The following KLHL15 variants were observed in gnomAD, a reference collection of about 807,000 sequenced individuals.
KLHL15 encodes the protein kelch like family member 15.
A neutral mutation model predicts 29.3 loss-of-function variants in KLHL15; 1 was observed. The observed-to-expected ratio is 0.03, with a 90% CI of 0.01 to 0.16. The LOEUF is 0.16. Among genes scored for constraint, KLHL15 ranks in the 10% least tolerant of loss-of-function variants. The pLI is 1.00. For synonymous variants in KLHL15, 212 were observed against 184.5 expected, an observed-to-expected ratio of 1.15 and a Z score of -1.21; for missense variants, 215 against 478.5, an observed-to-expected ratio of 0.45 and a Z score of 5.14.
At chrX:24,001,117 AAT>A (rs1477006630) in intron 3 of KLHL15, among the ~76,000 whole-genome samples, 1 of 111,811 alleles carries the variant, frequency 8.9e-6, no homozygotes, top group African/African-American at 3.2e-5. Context: ...CAGTTTATAA[AAT>A]AAAATATTTG....
At chrX:24,007,934 A>C (rs1017949828) in intron 2 of KLHL15, among the ~76,000 whole-genome samples, 2 of 109,958 alleles carry the variant, frequency 1.8e-5, no homozygotes, top group African/African-American at 6.5e-5. Context: ...TGAAAAAAAA[A>C]ACAAGTGACT....
intron 2 of KLHL15, among the ~76,000 whole-genome samples, chrX:24,019,348 G>A (rs778488887): frequency 3.2e-4 from 36 of 111,116 alleles, no homozygotes; most frequent in Non-Finnish European, 5.5e-4. Context: ...CCTCTGCTCC[G>A]GGGTTCAAGC....
At chrX:24,007,491 CA>C (rs1173565203) in intron 2 of KLHL15, among the ~76,000 whole-genome samples, 95 of 62,301 alleles carry the variant, frequency 1.5e-3, no homozygotes, top group African/African-American at 2.2e-3. Flanking sequence ...ACCCCATTTC[CA>C]AAAAAAAAAA....
At chrX:24,020,021 G>A (rs1929772311) in intron 2 of KLHL15, among the ~76,000 whole-genome samples, 2 of 111,901 alleles carry the variant, frequency 1.8e-5, no homozygotes, top group Admixed American at 9.5e-5. Flanking sequence ...GATTCTCAGA[G>A]GTTGATATAA....
At chrX:24,020,621 T>C (rs1929784443) in intron 2 of KLHL15, among the ~76,000 whole-genome samples, 2 of 111,603 alleles carry the variant, frequency 1.8e-5, no homozygotes, top group African/African-American at 3.3e-5. Context: ...GCTTGAATGC[T>C]ATTTTTCATC....
intron 2 of KLHL15, among the ~76,000 whole-genome samples, chrX:24,007,980 G>C (rs779862219): frequency 9.1e-6 from 1 of 109,927 alleles, no homozygotes; most frequent in African/African-American, 3.3e-5. Flanking sequence ...AACTAAATAC[G>C]CATATATTTG....
At chrX:24,009,048 C>G in intron 2 of KLHL15, among the ~76,000 whole-genome samples, 1 of 111,265 alleles carries the variant, frequency 9.0e-6, no homozygotes, top group East Asian at 2.8e-4. Context: ...CAATCACTCT[C>G]AAACATTTGA....
chrX:23,987,467 T>A lies in KLHL15; in HGVS notation c.*454A>T, dbSNP rs750713748. 5.3e-5 allele frequency: 6 copies of A among 113,326 alleles called. No individual in the cohort carries two copies. Among genetic ancestry groups the A allele is most frequent in the African/African-American group, 1.6e-4 (5 of 30,977 alleles). 9.3% of individuals were successfully genotyped at this position (113,326 alleles called of 1,213,427 possible). On this transcript the variant is annotated 3_prime_UTR_variant, in exon 4 of 4. Coordinates refer to ENST00000328046, the MANE Select transcript of KLHL15 (RefSeq NM_030624.3). ...TTCAGCAAAAAGCCATGCAAAAAGG[T>A]CAAGAGTTTTAAACTTTTAAATAAT... is the stretch of plus-strand genomic sequence containing the variant.
At chrX:24,015,652 CT>C (rs1929661658) in intron 2 of KLHL15, among the ~76,000 whole-genome samples, 1 of 112,432 alleles carries the variant, frequency 8.9e-6, no homozygotes, top group African/African-American at 3.2e-5. Context: ...GGTTCTACCT[CT>C]TATTAGCTCT....
Position 23,996,170 on chromosome X carries a change from G to A in KLHL15, c.706-7140C>T, listed in dbSNP as rs1929184421. Among the ~76,000 whole-genome samples the A allele has an allele frequency of 2.7e-5, 3 of 112,325 alleles. No homozygotes were observed. The South Asian group carries it at 1.1e-3, about 41-fold the overall frequency. ...GAGCAATTCCTGAACTTAAGATGGT[G>A]CCTGGCCCTATTAAAGAGGTTACCT... On this transcript the variant is annotated intron_variant, in intron 3 of 3. Transcript: ENST00000328046.
chrX:24,001,825 A>AAAAG (rs1929326081), intron 3 of KLHL15, among the ~76,000 whole-genome samples: 1 of 100,405 alleles, frequency 1.0e-5, no homozygotes, highest in Non-Finnish European at 2.0e-5. Flanking sequence ...AAAAAAAAAA[A>AAAAG]AAGAAGAAGA....
intron 2 of KLHL15, among the ~76,000 whole-genome samples, chrX:24,008,431 G>A (rs1177463830): frequency 9.0e-6 from 1 of 111,725 alleles, no homozygotes; most frequent in East Asian, 2.8e-4. Context: ...GTGAAGACAG[G>A]TTTCGCCATG....
At chrX:24,012,942 A>T (rs1226281048) in intron 2 of KLHL15, among the ~76,000 whole-genome samples, 1 of 111,907 alleles carries the variant, frequency 8.9e-6, no homozygotes, top group Non-Finnish European at 1.9e-5. Flanking sequence ...ATTAATCGAA[A>T]GCTATATCAT....
At chrX:24,008,040 G>C (rs144861755) in intron 2 of KLHL15, among the ~76,000 whole-genome samples, 158 of 111,290 alleles carry the variant, frequency 1.4e-3, no homozygotes, top group African/African-American at 4.8e-3. Context: ...ATGTCCCTGG[G>C]TAGTAGGTTT....
rs139732910 is a variant in KLHL15 at position 23,990,816 on chromosome X, T to C, written c.706-1786A>G. Among the ~76,000 whole-genome samples the C allele has an allele frequency of 2.4e-3, 263 of 111,075 alleles. 1 individual carries two copies. The highest frequency in any genetic ancestry group is 8.2e-3 in the African/African-American group (249 of 30,536). On this transcript the variant is annotated intron_variant, in intron 3 of 3. Transcript: ENST00000328046. ...TTTCCTTTCCTCCTTCCTATCTTTC[T>C]TTCTTTAGCCCATTCACTAATTCCT...
chrX:24,003,439 G>A lies in KLHL15; in HGVS notation c.705+2550C>T, dbSNP rs1344331802. Among the ~76,000 whole-genome samples, 4 of 108,038 alleles carry A rather than the reference G, an allele frequency of 3.7e-5. 1 individual carries two copies. Among genetic ancestry groups the A allele is most frequent in the Admixed American group, 3.0e-4 (3 of 9,918 alleles). 93.8% of individuals were successfully genotyped at this position (108,038 alleles called of 115,157 possible). On this transcript the variant is annotated intron_variant, in intron 3 of 3. Transcript: ENST00000328046. ...GTGGTGGCGGGTGCCTGTAGTCCCA[G>A]CTACTCAGGAGGCTGAGGCAGGAGA...
chrX:23,993,295 T>A (rs1322839478), intron 3 of KLHL15, among the ~76,000 whole-genome samples: 1 of 111,362 alleles, frequency 9.0e-6, no homozygotes, highest in Non-Finnish European at 1.9e-5. Context: ...CCAGACAGAT[T>A]CCTGAACTAC....
At chrX:24,024,275 T>C (rs1350725781) in intron 2 of KLHL15, among the ~76,000 whole-genome samples, 13 of 112,313 alleles carry the variant, frequency 1.2e-4, no homozygotes, top group East Asian at 2.7e-4. Flanking sequence ...ATTTATAATA[T>C]AGAAATAAAG....
intron 3 of KLHL15, among the ~76,000 whole-genome samples, chrX:23,994,745 T>TA (rs1172288849): frequency 8.9e-6 from 1 of 112,282 alleles, no homozygotes; most frequent in African/African-American, 3.2e-5. Context: ...TTTGATACTT[T>TA]AAAAAACTGT....
Sources: allele counts gnomAD v4.1 joint callset (sites outside exome capture counted in the v4.1 genomes callset), GRCh38; gene constraint gnomAD v4.1.1; transcripts MANE v1.5; gene names NCBI Gene and HGNC (gene_info 2026-07-23, HGNC 2026-07-21).